The following MEI1 variants were observed in gnomAD, a reference collection of about 807,000 sequenced individuals.
MEI1 encodes meiotic double-stranded break formation protein 1, also known as meiosis inhibitor protein 1.
MEI1 carries 103 observed loss-of-function variants against 146.2 expected under a neutral mutation model. That is an observed-to-expected ratio of 0.70 (90% CI 0.60 to 0.83). The LOEUF (loss-of-function observed/expected upper bound fraction) is 0.83, where lower values mean the gene tolerates loss of function less well. Among genes scored for constraint, MEI1 ranks in the 40% least tolerant of loss-of-function variants. MEI1 has a pLI of 0.00. For synonymous variants in MEI1, 652 were observed against 628.2 expected, an observed-to-expected ratio of 1.04 and a Z score of -0.57; for missense variants, 1,529 against 1,533.0, an observed-to-expected ratio of 1.00 and a Z score of 0.04.
chr22:41,705,198 G>A (rs1159869020), intron 2 of MEI1, among the ~76,000 whole-genome samples: 4 of 141,940 alleles, frequency 2.8e-5, no homozygotes, highest in Non-Finnish European at 4.5e-5. Flanking sequence ...TTTTTCTTGA[G>A]ACAGTCTGTG....
intron 20 of MEI1, among the ~76,000 whole-genome samples, chr22:41,773,087 T>A (rs2075272493): frequency 6.6e-6 from 1 of 152,186 alleles, no homozygotes; most frequent in African/African-American, 2.4e-5. Flanking sequence ...ACTTAGAGTC[T>A]ACATCCCAGG....
chr22:41,751,020 G>C (rs142961250), intron 15 of MEI1, among the ~76,000 whole-genome samples: 1 of 152,200 alleles, frequency 6.6e-6, no homozygotes, highest in Admixed American at 6.5e-5. Context: ...TGTGAGATCT[G>C]TAGGGAGATC....
intron 19 of MEI1, among the ~76,000 whole-genome samples, chr22:41,769,700 G>A (rs530482190): frequency 3.3e-5 from 5 of 151,302 alleles, no homozygotes; most frequent in South Asian, 2.1e-4. Flanking sequence ...TCAAACTCCC[G>A]ACCTCAGGTG....
At chr22:41,721,211 T>C (rs1424324464) in intron 6 of MEI1, among the ~76,000 whole-genome samples, 2 of 150,552 alleles carry the variant, frequency 1.3e-5, no homozygotes, top group Admixed American at 6.6e-5. Flanking sequence ...GTGCTGGGAT[T>C]ACAGGTGTTA....
At chr22:41,789,198 G>T (rs2076090999) in intron 26 of MEI1, among the ~76,000 whole-genome samples, 1 of 152,148 alleles carries the variant, frequency 6.6e-6, no homozygotes, top group Admixed American at 6.6e-5. Flanking sequence ...TGTAATCCCA[G>T]CTACTTGGGA....
rs527849797 is a variant in MEI1 at position 41,735,301 on chromosome 22, G to A, written c.1331+2698G>A. 1.3e-4 allele frequency among the ~76,000 whole-genome samples: 19 copies of A among 143,440 alleles called. No homozygotes were observed. In the East Asian group the frequency reaches 3.5e-3, roughly 27 times the overall value. The allele number at this position is 143,440 out of a possible 152,430, so 94.1% of individuals were successfully genotyped here. A position where few individuals can be genotyped will look rare whatever the true frequency, so the allele number is the denominator to read the frequency against. On this transcript the variant is annotated intron_variant, in intron 11 of 30. Transcript: ENST00000401548. ...GGCTGGAGTGCAAAGGCATGATCTC[G>A]GCTCACCACAACCTCTGCCTCCCGG... is the stretch of plus-strand genomic sequence containing the variant.
rs1377170814 is a variant in MEI1 at position 41,741,812 on chromosome 22, C to T, written c.1332-1268C>T. ...TACAAAAATTAACTGGGTGTGGTGG[C>T]GTGCGCCTGTAGTCCCAGCTACTTG... On this transcript the variant is annotated intron_variant, in intron 11 of 30. Coordinates refer to ENST00000401548, the MANE Select transcript of MEI1 (RefSeq NM_152513.4). Among the ~76,000 whole-genome samples, 5 of 152,106 alleles carry T rather than the reference C, an allele frequency of 3.3e-5. No individual in the cohort carries two copies. In the South Asian group the frequency reaches 6.2e-4, roughly 19 times the overall value.
intron 22 of MEI1, 89 bp downstream of exon 22, chr22:41,778,901 C>T (rs1319239128): frequency 2.1e-6 from 2 of 936,596 alleles, no homozygotes; most frequent in East Asian, 2.6e-5. Context: ...CTTCTTTCTT[C>T]TACTCTTTCA....
At chr22:41,789,403 A>G (rs1346086430) in intron 26 of MEI1, among the ~76,000 whole-genome samples, 2 of 152,282 alleles carry the variant, frequency 1.3e-5, no homozygotes, top group South Asian at 2.1e-4. Flanking sequence ...GGCTCAAGCA[A>G]TCCTCTGGCT....
At chr22:41,703,528 A>T in intron 2 of MEI1, 74 bp downstream of exon 2, 3 of 1,332,986 alleles carry the variant, frequency 2.3e-6, no homozygotes, top group Non-Finnish European at 3.0e-6. Context: ...GCTCTTGGAA[A>T]AATGATCTTA....
At chr22:41,781,497 G>T (rs2075755631) in intron 23 of MEI1, 103 bp downstream of exon 23, 4 of 1,184,966 alleles carry the variant, frequency 3.4e-6, no homozygotes, top group Admixed American at 2.1e-5. Flanking sequence ...TGTGTGTGTG[G>T]CTGGTGGTCA....
At chr22:41,746,914 A>T (rs952576435) in intron 14 of MEI1, among the ~76,000 whole-genome samples, 1 of 152,100 alleles carries the variant, frequency 6.6e-6, no homozygotes, top group Admixed American at 6.6e-5. Flanking sequence ...CAGTTTACTC[A>T]CCTGCCCTGC....
At chr22:41,785,353 C>T (rs1022602097) in intron 26 of MEI1, among the ~76,000 whole-genome samples, 3 of 151,798 alleles carry the variant, frequency 2.0e-5, no homozygotes, top group Non-Finnish European at 2.9e-5. Flanking sequence ...AGCTCTGCCT[C>T]CCGGGTTCAC....
intron 19 of MEI1, among the ~76,000 whole-genome samples, chr22:41,765,101 T>G (rs942150273): frequency 3.9e-5 from 6 of 152,154 alleles, no homozygotes; most frequent in Non-Finnish European, 8.8e-5. Flanking sequence ...GCTTCCCAGG[T>G]TCAAGCAATT....
In MEI1 at chr22:41,724,826, G is replaced by A. The variant is rs563860953; in HGVS notation, c.864+753G>A. On this transcript the variant is annotated intron_variant, in intron 7 of 30. Coordinates refer to ENST00000401548, the MANE Select transcript of MEI1 (RefSeq NM_152513.4). ...TTCTTTTTTTTTTTTTTTAAGTGCC[G>A]AGGTCTTGCTCTCTCCACTCAGGCT... 3.2e-3 allele frequency among the ~76,000 whole-genome samples: 485 copies of A among 149,556 alleles called. 2 individuals carry two copies. The highest frequency in any genetic ancestry group is 0.011 in the African/African-American group (457 of 40,632).
In MEI1 at chr22:41,699,717, G is replaced by T. The variant is rs1380735205; in HGVS notation, c.174+5G>T. ...CTGCCGGACCCCGGCGTGTCGGTGC[G>T]GGCGGAACCTTTTCTTCAGAAGACC... is the stretch of plus-strand genomic sequence containing the variant. On this transcript the variant is annotated splice_donor_5th_base_variant and intron_variant, in intron 1 of 30. Coordinates refer to ENST00000401548, the MANE Select transcript of MEI1 (RefSeq NM_152513.4). The T allele has an allele frequency of 6.4e-7, 1 of 1,556,284 alleles. No individual in the cohort carries two copies. The highest frequency in any genetic ancestry group is 2.4e-5 in the East Asian group (1 of 41,922).
At chr22:41,777,827 T>C (rs1299169098) in intron 21 of MEI1, among the ~76,000 whole-genome samples, 1 of 151,668 alleles carries the variant, frequency 6.6e-6, no homozygotes, top group Non-Finnish European at 1.5e-5. Context: ...CTTCCTTCCC[T>C]CCTTCCTTCC....
chr22:41,778,263 A>G (rs936268887), intron 21 of MEI1, among the ~76,000 whole-genome samples: 6 of 151,942 alleles, frequency 3.9e-5, no homozygotes, highest in Non-Finnish European at 7.4e-5. Flanking sequence ...CTCATGATTC[A>G]GTCATCTACC....
chr22:41,779,664 T>C (rs886128726), intron 22 of MEI1, among the ~76,000 whole-genome samples: 4 of 152,212 alleles, frequency 2.6e-5, no homozygotes, highest in Non-Finnish European at 5.9e-5. Context: ...AGATAGAGAA[T>C]GTCACACAGT....
Sources: allele counts gnomAD v4.1 joint callset (sites outside exome capture counted in the v4.1 genomes callset), GRCh38; gene constraint gnomAD v4.1.1; transcripts MANE v1.5; gene names NCBI Gene and HGNC (gene_info 2026-07-23, HGNC 2026-07-21).